The following LYPLAL1 variants were observed in gnomAD, a reference collection of about 807,000 sequenced individuals.
LYPLAL1 encodes the protein lysophospholipase like 1.
LYPLAL1 carries 23 observed loss-of-function variants against 19.7 expected under a neutral mutation model. The ratio of observed to expected loss-of-function variants is 1.17; its 90% confidence interval spans 0.84 to 1.65. The LOEUF (loss-of-function observed/expected upper bound fraction) is 1.65, where lower values mean the gene tolerates loss of function less well. LYPLAL1 is among the 40% of genes most tolerant of loss of function. LYPLAL1 has a pLI of 0.00. For missense variants in LYPLAL1, 355 were observed against 279.4 expected (o/e 1.27, Z -1.93); for synonymous variants, 119 against 96.3 (o/e 1.24, Z -1.38).
chr1:219,387,354 A>G, the LYPLAL1 span, among the ~76,000 whole-genome samples: 1 of 152,224 alleles, frequency 6.6e-6, no homozygotes, highest in South Asian at 2.1e-4. Flanking sequence ...AAGGAAAGAA[A>G]TTAAACAAAG....
chr1:219,289,377 ATTC>A, the LYPLAL1 span, among the ~76,000 whole-genome samples: 1 of 152,176 alleles, frequency 6.6e-6, no homozygotes, highest in South Asian at 2.1e-4. Flanking sequence ...GTATATTTAT[ATTC>A]TTCTCACAGA....
the LYPLAL1 span, among the ~76,000 whole-genome samples, chr1:219,358,694 T>G: frequency 1.3e-5 from 2 of 152,172 alleles, no homozygotes; most frequent in African/African-American, 4.8e-5. Flanking sequence ...GAAACCTCCC[T>G]ATGATCCAAT....
chr1:219,440,512 A>G, the LYPLAL1 span, among the ~76,000 whole-genome samples: 1 of 152,162 alleles, frequency 6.6e-6, no homozygotes, highest in South Asian at 2.1e-4. Flanking sequence ...CATCCTGAGG[A>G]GCCTCTTACT....
chr1:219,347,550 A>AC, the LYPLAL1 span, among the ~76,000 whole-genome samples: 21 of 151,566 alleles, frequency 1.4e-4, no homozygotes, highest in African/African-American at 3.6e-4. Context: ...AAATAATACC[A>AC]CCCCCCAGGA....
chr1:219,281,200 G>A, the LYPLAL1 span, among the ~76,000 whole-genome samples: 1 of 152,186 alleles, frequency 6.6e-6, no homozygotes, highest in South Asian at 2.1e-4. Context: ...TATGTAGAAA[G>A]TATCTTTTCC....
the LYPLAL1 span, chr1:219,410,156 G>A: frequency 2.0e-3 from 299 of 152,280 alleles, 3 homozygotes; most frequent in African/African-American, 6.8e-3. Flanking sequence ...TTTTAAGTAA[G>A]AAAGGTATAT....
At chr1:219,193,884 G>T (rs949449602) in intron 3 of LYPLAL1, among the ~76,000 whole-genome samples, 1 of 151,812 alleles carries the variant, frequency 6.6e-6, no homozygotes, top group African/African-American at 2.4e-5. Flanking sequence ...TGGTGAAAGG[G>T]TTTTATTTCC....
the LYPLAL1 span, among the ~76,000 whole-genome samples, chr1:219,363,328 G>T: frequency 1.4e-4 from 22 of 152,102 alleles, no homozygotes; most frequent in African/African-American, 5.3e-4. Flanking sequence ...GTAAACACTA[G>T]ATTTTGAAGA....
rs571369708 is a variant in LYPLAL1 at position 219,201,382 on chromosome 1, A to G, written c.361+8131A>G. ...GAGTTTATTTTTGTTTCTTTCTACC[A>G]TATAATGGAAGACTATTTTCTGAAG... On this transcript the variant is annotated intron_variant, in intron 3 of 4. Transcript: ENST00000366928. Among the ~76,000 whole-genome samples, 4 of 151,788 alleles carry G rather than the reference A, an allele frequency of 2.6e-5. No homozygotes were observed. In the South Asian group the frequency reaches 6.2e-4, roughly 24 times the overall value.
At chr1:219,317,081 G>A in the LYPLAL1 span, among the ~76,000 whole-genome samples, 11 of 152,056 alleles carry the variant, frequency 7.2e-5, no homozygotes, top group Non-Finnish European at 4.4e-5. Flanking sequence ...TTAAAAAATT[G>A]GAAAATTTTT....
the LYPLAL1 span, among the ~76,000 whole-genome samples, chr1:219,388,974 A>G: frequency 6.6e-6 from 1 of 152,108 alleles, no homozygotes; most frequent in Non-Finnish European, 1.5e-5. Context: ...CACACCTGAC[A>G]TTTTTCTCTT....
chr1:219,246,478 T>C, the LYPLAL1 span, among the ~76,000 whole-genome samples: 34 of 152,286 alleles, frequency 2.2e-4, 1 homozygote, highest in Middle Eastern at 6.8e-3. Context: ...TATTTACTGA[T>C]TCCTTCTTAT....
the LYPLAL1 span, among the ~76,000 whole-genome samples, chr1:219,244,462 A>T: frequency 6.6e-6 from 1 of 152,220 alleles, no homozygotes; most frequent in Non-Finnish European, 1.5e-5. Flanking sequence ...AGCACATGGC[A>T]GAGGGATTGC....
chr1:219,266,596 TATC>T, the LYPLAL1 span, among the ~76,000 whole-genome samples: 1 of 152,188 alleles, frequency 6.6e-6, no homozygotes, highest in Non-Finnish European at 1.5e-5. Context: ...AGTCATGTAT[TATC>T]ATCAAATATT....
chr1:219,385,870 T>C, the LYPLAL1 span, among the ~76,000 whole-genome samples: 3 of 152,196 alleles, frequency 2.0e-5, no homozygotes, highest in African/African-American at 7.2e-5. Context: ...TCATCTATTT[T>C]TTTTCTCAGT....
At chr1:219,334,760 A>G in the LYPLAL1 span, among the ~76,000 whole-genome samples, 1 of 152,030 alleles carries the variant, frequency 6.6e-6, no homozygotes. Flanking sequence ...TATTATTATT[A>G]TGCTAGCCAT....
chr1:219,228,077 G>T, the LYPLAL1 span, among the ~76,000 whole-genome samples: 1 of 152,094 alleles, frequency 6.6e-6, no homozygotes, highest in Non-Finnish European at 1.5e-5. Flanking sequence ...GCGGTTCCAG[G>T]CATCACATTC....
the LYPLAL1 span, among the ~76,000 whole-genome samples, chr1:219,357,871 CA>C: frequency 2.0e-5 from 3 of 152,104 alleles, no homozygotes; most frequent in Admixed American, 6.6e-5. Flanking sequence ...AGTTAGCTAT[CA>C]AACCAAGCAA....
At chr1:219,248,828 C>G in the LYPLAL1 span, among the ~76,000 whole-genome samples, 1 of 151,986 alleles carries the variant, frequency 6.6e-6, no homozygotes, top group African/African-American at 2.4e-5. Context: ...CAGTATAGAA[C>G]TTTTAGACAC....
Sources: gnomAD v4.1 joint callset for allele counts (sites outside exome capture counted in the v4.1 genomes callset) on GRCh38, gnomAD v4.1.1 for gene constraint, MANE v1.5 for transcripts, NCBI Gene and HGNC (gene_info 2026-07-23, HGNC 2026-07-21) for gene names.